The following VSTM2L variants were observed in gnomAD, a reference collection of about 807,000 sequenced individuals.
VSTM2L encodes V-set and transmembrane domain-containing protein 2-like protein.
A neutral mutation model predicts 19.9 loss-of-function variants in VSTM2L; 9 were observed. The observed-to-expected ratio is 0.45, with a 90% confidence interval of 0.27 to 0.79. VSTM2L has a LOEUF of 0.79. VSTM2L is among the 30% of genes least tolerant of loss of function. The pLI, the probability that VSTM2L is intolerant of heterozygous loss-of-function variation, is 0.15. For synonymous variants in VSTM2L, 127 were observed against 133.8 expected, an observed-to-expected ratio of 0.95 and a Z score of 0.35; for missense variants, 286 against 295.5, an observed-to-expected ratio of 0.97 and a Z score of 0.24.
At chr20:37,911,841 T>TA (rs1246779482) in intron 1 of VSTM2L, among the ~76,000 whole-genome samples, 1 of 152,222 alleles carries the variant, frequency 6.6e-6, no homozygotes, top group African/African-American at 2.4e-5. Context: ...CTTCCATCTG[T>TA]ATACTTAGAA....
rs566534049 is a variant in VSTM2L, at chr20:37,911,469, G to A, written c.121+7998G>A. Among the ~76,000 whole-genome samples, 120 of 152,306 alleles carry A rather than the reference G, an allele frequency of 7.9e-4. 1 individual carries two copies. Among genetic ancestry groups the A allele is most frequent in the African/African-American group, 2.8e-3 (116 of 41,562 alleles). ...GCAGAGCAGCCAGAACACAGCGGGC[G>A]GCTAATAAAGATCCGTCACACGGCA... On this transcript the variant is annotated intron_variant, in intron 1 of 3. Transcript: ENST00000373461.
At chr20:37,938,754 G>T (rs140929973) in intron 3 of VSTM2L, among the ~76,000 whole-genome samples, 94 of 152,354 alleles carry the variant, frequency 6.2e-4, no homozygotes, top group African/African-American at 2.1e-3. Flanking sequence ...GCCATGCGGG[G>T]GTCCCTTTCT....
intron 1 of VSTM2L, among the ~76,000 whole-genome samples, chr20:37,919,378 GAAAC>G (rs1734597802): frequency 6.6e-6 from 1 of 152,218 alleles, no homozygotes; most frequent in African/African-American, 2.4e-5. Flanking sequence ...TACCCAGAAA[GAAAC>G]AAAGAGAACC....
intron 3 of VSTM2L, among the ~76,000 whole-genome samples, chr20:37,941,696 G>A (rs1468184598): frequency 6.6e-6 from 1 of 152,080 alleles, no homozygotes; most frequent in Non-Finnish European, 1.5e-5. Flanking sequence ...TAGTCCACAG[G>A]TCTGAGGCCC....
At chr20:37,905,927 A>T (rs914963806) in intron 1 of VSTM2L, among the ~76,000 whole-genome samples, 4 of 152,142 alleles carry the variant, frequency 2.6e-5, no homozygotes, top group Non-Finnish European at 2.9e-5. Flanking sequence ...GTGTGTGCTG[A>T]AAAAGCTCAG....
At chr20:37,936,235 A>C (rs529591753) in intron 3 of VSTM2L, among the ~76,000 whole-genome samples, 1 of 144,946 alleles carries the variant, frequency 6.9e-6, no homozygotes, top group Non-Finnish European at 1.5e-5. Context: ...CGTACCGGTG[A>C]CATGACGTGA....
chr20:37,920,522 C>T (rs1015643231), intron 1 of VSTM2L, among the ~76,000 whole-genome samples: 2 of 152,252 alleles, frequency 1.3e-5, no homozygotes, highest in African/African-American at 4.8e-5. Flanking sequence ...TGGGCCATCT[C>T]AGGGGGAGCC....
chr20:37,909,498 G>A (rs1254387239), intron 1 of VSTM2L, among the ~76,000 whole-genome samples: 1 of 152,216 alleles, frequency 6.6e-6, no homozygotes, highest in Non-Finnish European at 1.5e-5. Context: ...GACGAAGCAG[G>A]GGATGAGGTC....
At chr20:37,914,609 C>G (rs2072806341) in intron 1 of VSTM2L, among the ~76,000 whole-genome samples, 1 of 152,024 alleles carries the variant, frequency 6.6e-6, no homozygotes. Flanking sequence ...CCCTCGTGCT[C>G]TCTTCCCGTC....
rs1383148468 is a variant in VSTM2L, at chr20:37,944,235, G to T, written c.597G>T (p.Gln199His). Residue 199 changes from glutamine (Q) to histidine (H), a missense_variant, in exon 4 of 4, where the codon CAG (glutamine) becomes CAT (histidine). By Grantham distance (24) the Gln-to-His change is conservative (BLOSUM62 0). Coordinates refer to ENST00000373461, the MANE Select transcript of VSTM2L (RefSeq NM_080607.3). ...GKELRKRSVD[Q>H]EACSL ...AGCTGAGGAAGCGCTCGGTGGACCAGGAGGCCTGCAGCCTCTAGACTGATG... is the reference window on the plus strand; with the variant it reads ...AGCTGAGGAAGCGCTCGGTGGACCATGAGGCCTGCAGCCTCTAGACTGATG... 1.4e-6 allele frequency: 2 copies of T among 1,412,356 alleles called. No homozygotes were observed. The highest frequency in any genetic ancestry group is 2.6e-5 in the South Asian group (2 of 78,186). The allele number at this position is 1,412,356 out of a possible 1,614,324, so 87.5% of individuals were successfully genotyped here. A position where few individuals can be genotyped will look rare whatever the true frequency, so the allele number is the denominator to read the frequency against.
At chr20:37,911,483 C>T (rs1451694112) in intron 1 of VSTM2L, among the ~76,000 whole-genome samples, 3 of 152,204 alleles carry the variant, frequency 2.0e-5, no homozygotes, top group Non-Finnish European at 4.4e-5. Context: ...AATAAAGATC[C>T]GTCACACGGC....
intron 3 of VSTM2L, among the ~76,000 whole-genome samples, chr20:37,935,650 C>T (rs1048786790): frequency 1.3e-5 from 2 of 152,126 alleles, no homozygotes; most frequent in Non-Finnish European, 2.9e-5. Context: ...CTCCCATTTC[C>T]CTGCTGGCTG....
At chr20:37,943,789 C>T (rs980188995) in intron 3 of VSTM2L, among the ~76,000 whole-genome samples, 192 bp from the exon 4 acceptor site, 1 of 152,120 alleles carries the variant, frequency 6.6e-6, no homozygotes, top group Non-Finnish European at 1.5e-5. Context: ...GTTATGTGGT[C>T]TGTTGGTGGA....
chr20:37,944,396 C>A lies in VSTM2L; in HGVS notation c.*143C>A. The A allele has an allele frequency of 7.8e-7, 1 of 1,283,786 alleles. No individual in the cohort carries two copies. Among genetic ancestry groups the A allele is most frequent in the Non-Finnish European group, 1.0e-6 (1 of 987,610 alleles). 79.5% of individuals were successfully genotyped at this position (1,283,786 alleles called of 1,614,324 possible). A position where few individuals can be genotyped will look rare whatever the true frequency, so the allele number is the denominator to read the frequency against. On this transcript the variant is annotated 3_prime_UTR_variant, in exon 4 of 4. Transcript: ENST00000373461. The stretch of plus-strand genomic sequence containing the variant: ...GTGGCCACCATGTCGGCCCTCTTTC[C>A]ACCACCCCTTGCTCAGCATGTAAGC...
At chr20:37,941,910 T>A (rs1478645710) in intron 3 of VSTM2L, among the ~76,000 whole-genome samples, 2 of 149,154 alleles carry the variant, frequency 1.3e-5, no homozygotes, top group South Asian at 2.1e-4. Flanking sequence ...TTTTTTTTTT[T>A]AATCTTTTAT....
chr20:37,903,809 C>T (rs1202657967), intron 1 of VSTM2L, among the ~76,000 whole-genome samples: 1 of 152,218 alleles, frequency 6.6e-6, no homozygotes, highest in Non-Finnish European at 1.5e-5. Flanking sequence ...CCTCAGGTCC[C>T]CCTCCTCACT....
chr20:37,931,812 C>G lies in VSTM2L; in HGVS notation c.291+8C>G. 6.2e-7 allele frequency: 1 copy of G among 1,610,528 alleles called. No individual in the cohort carries two copies. ...GCGTGGGCCTCGAACCAGGTAATGC[C>G]CCTGGGGAGATGCCCAAGCTGGGCT... On this transcript the variant is annotated splice_region_variant and intron_variant, in intron 2 of 3. Transcript: ENST00000373461.
chr20:37,943,249 G>A (rs1408097861), intron 3 of VSTM2L, among the ~76,000 whole-genome samples: 2 of 151,626 alleles, frequency 1.3e-5, no homozygotes, highest in Admixed American at 6.6e-5. Context: ...AAAGTGCTGG[G>A]ATTCCAGGCA....
intron 3 of VSTM2L, among the ~76,000 whole-genome samples, chr20:37,942,191 C>T (rs2072976188): frequency 6.6e-6 from 1 of 152,160 alleles, no homozygotes; most frequent in Admixed American, 6.6e-5. Flanking sequence ...TGAAAAAGAA[C>T]AAATGGATGG....
Sources: gnomAD v4.1 joint callset for allele counts (sites outside exome capture counted in the v4.1 genomes callset) on GRCh38, gnomAD v4.1.1 for gene constraint, MANE v1.5 for transcripts, NCBI Gene and HGNC (gene_info 2026-07-23, HGNC 2026-07-21) for gene names.